The following SYT1 variants were observed in gnomAD, a reference collection of about 807,000 sequenced individuals.
SYT1 encodes the protein synaptotagmin-1.
In SYT1, 8 loss-of-function variants were observed where a neutral mutation model predicts 44.8. The observed-to-expected ratio is 0.18, with a 90% CI of 0.10 to 0.32. SYT1 has a LOEUF of 0.32. Ranked by LOEUF, SYT1 falls within the 10% of genes least tolerant of loss-of-function variation. The pLI is 1.00. For synonymous variants in SYT1, 154 were observed against 188.8 expected (o/e 0.82, Z 1.51); for missense variants, 286 against 509.3 (o/e 0.56, Z 4.22).
At chr12:79,137,340 T>C (rs1305585928) in intron 3 of SYT1, among the ~76,000 whole-genome samples, 2 of 151,976 alleles carry the variant, frequency 1.3e-5, no homozygotes, top group East Asian at 3.9e-4. Flanking sequence ...AGGTGATCCA[T>C]CCACCCCAAC....
intron 3 of SYT1, among the ~76,000 whole-genome samples, chr12:79,187,445 C>T (rs1872867919): frequency 6.6e-6 from 1 of 152,028 alleles, no homozygotes; most frequent in Non-Finnish European, 1.5e-5. Flanking sequence ...GTTTTTATGT[C>T]TATCACTCAA....
chr12:79,143,171 T>A (rs552252467), intron 3 of SYT1, among the ~76,000 whole-genome samples: 2 of 152,314 alleles, frequency 1.3e-5, no homozygotes, highest in South Asian at 4.1e-4. Flanking sequence ...GATCTTTCCA[T>A]GTTGCTAGGA....
intron 1 of SYT1, among the ~76,000 whole-genome samples, chr12:78,922,668 G>GT (rs1565718941): frequency 6.6e-6 from 1 of 151,812 alleles, no homozygotes. Context: ...CACATCTCTG[G>GT]TTTTTAATTA....
chr12:79,230,905 A>G (rs1315326345), intron 4 of SYT1, among the ~76,000 whole-genome samples: 1 of 152,210 alleles, frequency 6.6e-6, no homozygotes, highest in African/African-American at 2.4e-5. Context: ...ATAATTCAGG[A>G]ATTACTTTGC....
intron 1 of SYT1, among the ~76,000 whole-genome samples, chr12:78,916,168 G>C (rs980610402): frequency 6.6e-6 from 1 of 152,002 alleles, no homozygotes; most frequent in African/African-American, 2.4e-5. Context: ...TAAGCTCTGT[G>C]GTTGAACCTG....
intron 1 of SYT1, among the ~76,000 whole-genome samples, chr12:78,938,105 C>T (rs1878162380): frequency 6.6e-6 from 1 of 152,190 alleles, no homozygotes; most frequent in Non-Finnish European, 1.5e-5. Flanking sequence ...ATAATTTTAT[C>T]TTTGCATTTC....
intron 1 of SYT1, among the ~76,000 whole-genome samples, chr12:78,949,822 A>G (rs1878868902): frequency 6.6e-6 from 1 of 152,036 alleles, no homozygotes; most frequent in African/African-American, 2.4e-5. Flanking sequence ...CATTAGGGTG[A>G]AAGGACAAAC....
chr12:79,296,585 ACAATCCCAGGATTAAGTAAGCTGT>A (rs1879886053), intron 7 of SYT1, among the ~76,000 whole-genome samples: 1 of 152,224 alleles, frequency 6.6e-6, no homozygotes, highest in Non-Finnish European at 1.5e-5. Flanking sequence ...TACATCTGTT[ACAATCCCAGGATTAAGTAAGCTGT>A]GTCCCAATGC....
chr12:79,273,121 C>CT (rs34751116), intron 4 of SYT1, among the ~76,000 whole-genome samples: 14,187 of 138,720 alleles, frequency 0.1, 829 homozygotes, highest in Admixed American at 0.19. Flanking sequence ...TTTTTTCTTT[C>CT]TTTTTTTTTT....
intron 4 of SYT1, among the ~76,000 whole-genome samples, chr12:79,251,917 A>ATT (rs57013333): frequency 1.5e-4 from 23 of 151,012 alleles, no homozygotes; most frequent in East Asian, 7.8e-4. Context: ...ATGGAGTTTT[A>ATT]TTTTTTTTTC....
Position 79,025,329 on chromosome 12 carries a change from T to C in SYT1, c.-83-21968T>C, listed in dbSNP as rs1592674279. Among the ~76,000 whole-genome samples the C allele has an allele frequency of 2.0e-5, 3 of 151,914 alleles. No homozygotes were observed. The East Asian group carries it at 5.8e-4, about 30-fold the overall frequency. Reference sequence around the variant, plus strand: ...TCCCCTAAGCTGACTTTAAAACTCTTAAACTCAAAGCCAAAGCTATAATGA... The same window carrying C: ...TCCCCTAAGCTGACTTTAAAACTCTCAAACTCAAAGCCAAAGCTATAATGA... On this transcript the variant is annotated intron_variant, in intron 2 of 10. Transcript: ENST00000261205.
At chr12:78,963,652 A>G (rs1056819212) in intron 1 of SYT1, among the ~76,000 whole-genome samples, 7 of 152,162 alleles carry the variant, frequency 4.6e-5, no homozygotes, top group Non-Finnish European at 1.0e-4. Context: ...AAACAAAACA[A>G]AAACAAAACA....
chr12:78,906,558 C>T (rs1462926), intron 1 of SYT1, among the ~76,000 whole-genome samples: 118,986 of 152,108 alleles, frequency 0.78, 47,442 homozygotes, highest in African/African-American at 0.94. Context: ...GCAGTAAATA[C>T]ATGAGTTGTC....
At chr12:78,946,945 T>C (rs985015338) in intron 1 of SYT1, among the ~76,000 whole-genome samples, 1 of 152,184 alleles carries the variant, frequency 6.6e-6, no homozygotes, top group Non-Finnish European at 1.5e-5. Context: ...AGTATACACA[T>C]ATTTATTTCT....
chr12:79,119,984 GAAC>G (rs912461033), intron 3 of SYT1, among the ~76,000 whole-genome samples: 7 of 152,026 alleles, frequency 4.6e-5, no homozygotes, highest in African/African-American at 1.7e-4. Flanking sequence ...ACCTGCTGTG[GAAC>G]AACAGGATCC....
chr12:79,214,879 G>A (rs1315203476), intron 3 of SYT1, among the ~76,000 whole-genome samples: 1 of 151,918 alleles, frequency 6.6e-6, no homozygotes, highest in Non-Finnish European at 1.5e-5. Flanking sequence ...GTCACATCTG[G>A]TGTTTCTCAC....
intron 2 of SYT1, among the ~76,000 whole-genome samples, chr12:78,985,963 A>G (rs191939080): frequency 7.6e-4 from 116 of 152,176 alleles, no homozygotes; most frequent in African/African-American, 2.7e-3. Context: ...TAAAAACAGA[A>G]GGAAAGAGAA....
At position 78,874,437 on chromosome 12, in the gene SYT1, A is replaced by G. The variant is rs187233551; in HGVS notation, c.-217+9328A>G. Among the ~76,000 whole-genome samples the G allele has an allele frequency of 1.9e-4, 29 of 151,700 alleles. No homozygotes were observed. In the East Asian group the frequency reaches 4.7e-3, roughly 24 times the overall value. ...ATGAGCATGATGGCAATAGGATAAA[A>G]GTATGAAACTTAGAGAGCTGGATTC... On this transcript the variant is annotated intron_variant, in intron 1 of 10. Coordinates refer to ENST00000261205, the MANE Select transcript of SYT1 (RefSeq NM_005639.3).
At chr12:78,888,003 A>T (rs1353953392) in intron 1 of SYT1, among the ~76,000 whole-genome samples, 1 of 151,948 alleles carries the variant, frequency 6.6e-6, no homozygotes, top group Admixed American at 6.6e-5. Context: ...TATGATAGAC[A>T]ATTTAAAGTA....
Sources: gnomAD v4.1 joint callset for allele counts (sites outside exome capture counted in the v4.1 genomes callset) on GRCh38, gnomAD v4.1.1 for gene constraint, MANE v1.5 for transcripts, NCBI Gene and HGNC (gene_info 2026-07-23, HGNC 2026-07-21) for gene names.